SLC39A10: variants seen among roughly 807,000 people sequenced by gnomAD.
SLC39A10 encodes solute carrier family 39 member 10.
Under a neutral mutation model 65.1 loss-of-function variants are expected in SLC39A10, and 13 were observed. That is an observed-to-expected ratio of 0.20 (90% confidence interval 0.13 to 0.32). The LOEUF (loss-of-function observed/expected upper bound fraction) is 0.32, where lower values mean the gene tolerates loss of function less well. Ranked by LOEUF, SLC39A10 falls within the 10% of genes least tolerant of loss-of-function variation. The pLI, the probability that SLC39A10 is intolerant of heterozygous loss-of-function variation, is 1.00. For missense variants in SLC39A10, 831 were observed against 1,018.4 expected (o/e 0.82, Z 2.50); for synonymous variants, 321 against 342.2 (o/e 0.94, Z 0.68).
chr2:195,651,093 T>A (rs183129931), intron 2 of SLC39A10, among the ~76,000 whole-genome samples: 31 of 151,892 alleles, frequency 2.0e-4, no homozygotes, highest in South Asian at 1.0e-3. Flanking sequence ...TTTTTTTTTT[T>A]ATTTAGAAAG....
chr2:195,652,561 A>G (rs534873876), upstream of SLC39A10, among the ~76,000 whole-genome samples: 46 of 151,882 alleles, frequency 3.0e-4, no homozygotes, highest in Admixed American at 1.0e-3. Context: ...AAAAAAAAAA[A>G]AAAGAAAGAA....
intron 1 of SLC39A10, chr2:195,657,540 C>G: frequency 1.0e-6 from 1 of 983,556 alleles, no homozygotes; most frequent in Non-Finnish European, 1.2e-6. Context: ...TGCTGCGGGC[C>G]GCGGGATCGG....
chr2:195,640,926 T>C (rs1242461584), intron 2 of SLC39A10, among the ~76,000 whole-genome samples: 2 of 152,186 alleles, frequency 1.3e-5, no homozygotes, highest in Non-Finnish European at 2.9e-5. Context: ...CACACTATTA[T>C]CAGCAATGGT....
intron 9 of SLC39A10, among the ~76,000 whole-genome samples, chr2:195,730,984 C>G (rs982234521): frequency 1.3e-5 from 2 of 152,166 alleles, no homozygotes; most frequent in Non-Finnish European, 2.9e-5. Context: ...TCCAAGCCAC[C>G]ACCATCTTTC....
chr2:195,667,965 T>C (rs1689700372), intron 1 of SLC39A10, among the ~76,000 whole-genome samples: 1 of 152,210 alleles, frequency 6.6e-6, no homozygotes, highest in Non-Finnish European at 1.5e-5. Context: ...TACCATAAAA[T>C]AGAACAGAAA....
chr2:195,676,544 T>G (rs533144181), intron 1 of SLC39A10, among the ~76,000 whole-genome samples: 1 of 152,186 alleles, frequency 6.6e-6, no homozygotes, highest in African/African-American at 2.4e-5. Context: ...TTTTCACATA[T>G]AGGTTTTTAA....
At chr2:195,666,245 T>C (rs540199553) in intron 1 of SLC39A10, among the ~76,000 whole-genome samples, 3 of 152,294 alleles carry the variant, frequency 2.0e-5, no homozygotes, top group African/African-American at 7.2e-5. Flanking sequence ...AAGTCAATGT[T>C]ATACAAAGAT....
chr2:195,726,523 C>T (rs1281244094), intron 8 of SLC39A10, among the ~76,000 whole-genome samples: 1 of 152,016 alleles, frequency 6.6e-6, no homozygotes, highest in Non-Finnish European at 1.5e-5. Context: ...ATCCGGGTCT[C>T]AGCAGGAGAA....
At chr2:195,677,907 G>C (rs772368558) in intron 1 of SLC39A10, among the ~76,000 whole-genome samples, 2 of 151,860 alleles carry the variant, frequency 1.3e-5, no homozygotes, top group Non-Finnish European at 1.5e-5. Flanking sequence ...ATGCCACCAC[G>C]CCTGGCTAAT....
rs971313870 is a variant in SLC39A10 at position 195,617,864 on chromosome 2, C to T, written c.-12+11631C>T. Among the ~76,000 whole-genome samples, 6 of 151,274 alleles carry T rather than the reference C, an allele frequency of 4.0e-5. No homozygotes were observed. The South Asian group carries it at 1.3e-3, about 32-fold the overall frequency. On this transcript the variant is annotated intron_variant, in intron 2 of 2. Coordinates refer to the SLC39A10 transcript ENST00000458054. ...ACGCCATTCTCCTGCCTCAGCCTCCCGAGTAGCTGGGACCACAGGTGCCCG... is the reference window on the plus strand; with the variant it reads ...ACGCCATTCTCCTGCCTCAGCCTCCTGAGTAGCTGGGACCACAGGTGCCCG...
intron 4 of SLC39A10, among the ~76,000 whole-genome samples, 171 bp downstream of exon 4, chr2:195,706,956 T>A (rs1157504631): frequency 2.0e-5 from 3 of 152,174 alleles, no homozygotes; most frequent in Admixed American, 6.5e-5. Context: ...AATATTTTTT[T>A]AAATAAATTG....
chr2:195,614,138 C>G (rs1298181949), intron 2 of SLC39A10, among the ~76,000 whole-genome samples: 1 of 152,092 alleles, frequency 6.6e-6, no homozygotes, highest in Non-Finnish European at 1.5e-5. Context: ...AGAAGGCTGG[C>G]TGGCTGGGAA....
intron 9 of SLC39A10, among the ~76,000 whole-genome samples, chr2:195,734,452 G>C (rs540269056): frequency 1.3e-5 from 2 of 152,162 alleles, no homozygotes; most frequent in African/African-American, 2.4e-5. Flanking sequence ...GTGAGCCACC[G>C]TGCCCGGCCC....
At chr2:195,702,474 A>G (rs150800157) in intron 3 of SLC39A10, among the ~76,000 whole-genome samples, 2 of 152,326 alleles carry the variant, frequency 1.3e-5, no homozygotes, top group Non-Finnish European at 2.9e-5. Flanking sequence ...CAAGCCTTCA[A>G]TAGACTACAG....
chr2:195,635,310 A>G lies in SLC39A10; in HGVS notation c.-12+29077A>G, dbSNP rs1442407557. Among the ~76,000 whole-genome samples the G allele has an allele frequency of 2.0e-5, 3 of 152,220 alleles. No homozygotes were observed. The South Asian group carries it at 6.2e-4, about 32-fold the overall frequency. ...GGTTATGGCCAGACTTGTGTCATGT[A>G]TCTATTCCAGAACTAATTGGTAAGT... On this transcript the variant is annotated intron_variant, in intron 2 of 2. Coordinates refer to the SLC39A10 transcript ENST00000458054.
rs796676354 is a variant in SLC39A10 at position 195,737,603 on chromosome 2, G to GTTTGT, written c.*2565_*2566insGTTTT. The GTTTGT allele has an allele frequency of 1.2e-5, 2 of 167,000 alleles. No homozygotes were observed. The highest frequency in any genetic ancestry group is 2.5e-5 in the Non-Finnish European group (2 of 78,478). 10.3% of individuals were successfully genotyped at this position (167,000 alleles called of 1,614,324 possible). A position where few individuals can be genotyped will look rare whatever the true frequency, so the allele number is the denominator to read the frequency against. On this transcript the variant is annotated 3_prime_UTR_variant, in exon 10 of 10. Transcript: ENST00000359634. ...AAAAAGCTGGAAAATATCAAATGCT[G>GTTTGT]TTTTTTTTTTTTCATTGTCAACAGT... is the stretch of plus-strand genomic sequence containing the variant.
intron 3 of SLC39A10, among the ~76,000 whole-genome samples, chr2:195,701,587 G>A (rs1691197222): frequency 6.7e-6 from 1 of 149,680 alleles, no homozygotes; most frequent in South Asian, 2.1e-4. Flanking sequence ...CTATTTTCTT[G>A]TTAAATTGTG....
chr2:195,737,636 C>T lies in SLC39A10; in HGVS notation c.*2595C>T. On this transcript the variant is annotated 3_prime_UTR_variant, in exon 10 of 10. Coordinates refer to ENST00000359634, the MANE Select transcript of SLC39A10 (RefSeq NM_020342.3). ...TTTTTCATTGTCAACAGTGGTGTGT[C>T]ATTTTATGTATGTTCCTAATGCTTA... The T allele has an allele frequency of 4.4e-6, 1 of 227,714 alleles. No individual in the cohort carries two copies. Among genetic ancestry groups the T allele is most frequent in the Non-Finnish European group, 8.6e-6 (1 of 116,142 alleles). The allele number at this position is 227,714 out of a possible 1,614,324, so 14.1% of individuals were successfully genotyped here.
At position 195,680,576 on chromosome 2, in the gene SLC39A10, A is replaced by T; in HGVS notation, c.534A>T (p.Leu178=). The T allele has an allele frequency of 6.2e-7, 1 of 1,614,162 alleles. No homozygotes were observed. The highest frequency in any genetic ancestry group is 8.5e-7 in the Non-Finnish European group (1 of 1,180,032). Residue 178 remains leucine (L), a synonymous_variant, in exon 2 of 10, where the codon CTA becomes CTT. Transcript: ENST00000359634. ...ATATGCATGACCATAATCACCGCCT[A>T]CGTCATCACCATCGTTTGCATCATC... ...DKHMHDHNHR[L]RHHHRLHHHL...
Sources: gnomAD v4.1 joint callset for allele counts (sites outside exome capture counted in the v4.1 genomes callset) on GRCh38, gnomAD v4.1.1 for gene constraint, MANE v1.5 for transcripts, NCBI Gene and HGNC (gene_info 2026-07-23, HGNC 2026-07-21) for gene names.